The following RARB variants were observed in gnomAD, a reference collection of about 807,000 sequenced individuals.
RARB encodes HBV-activated protein.
Under a neutral mutation model 51.9 loss-of-function variants are expected in RARB, and 17 were observed. That is an observed-to-expected ratio of 0.33 (90% CI 0.22 to 0.49). RARB has a LOEUF of 0.49. Among genes scored for constraint, RARB ranks in the 20% least tolerant of loss-of-function variants. The probability of loss-of-function intolerance (pLI) is 0.99; values close to 1 mark genes in which losing one functional copy is unlikely to be tolerated. For synonymous variants in RARB, 215 were observed against 195.4 expected, an observed-to-expected ratio of 1.10 and a Z score of -0.84; for missense variants, 369 against 550.8, an observed-to-expected ratio of 0.67 and a Z score of 3.30.
chr3:25,550,796 G>A (rs905506085), intron 3 of RARB, among the ~76,000 whole-genome samples: 2 of 152,030 alleles, frequency 1.3e-5, no homozygotes, highest in East Asian at 1.9e-4. Context: ...GTGTCCATGT[G>A]TTCTCATTGT....
At chr3:25,015,289 T>C (rs1275398011) in intron 2 of RARB, among the ~76,000 whole-genome samples, 1 of 152,210 alleles carries the variant, frequency 6.6e-6, no homozygotes, top group African/African-American at 2.4e-5. Flanking sequence ...ACTAAACACA[T>C]GAATTTAACA....
chr3:25,283,008 C>A (rs562497191), intron 5 of RARB, among the ~76,000 whole-genome samples: 2 of 152,252 alleles, frequency 1.3e-5, no homozygotes, highest in East Asian at 3.9e-4. Context: ...CACGGAGGAG[C>A]GACACTGTCT....
intron 2 of RARB, among the ~76,000 whole-genome samples, chr3:25,494,233 C>T (rs960411770): frequency 1.8e-4 from 10 of 55,482 alleles, no homozygotes; most frequent in Non-Finnish European, 2.8e-4. Flanking sequence ...CATTAGCCCC[C>T]TTTTCCAGCT....
chr3:25,494,098 G>A (rs546061969), intron 2 of RARB, among the ~76,000 whole-genome samples: 1 of 152,264 alleles, frequency 6.6e-6, no homozygotes, highest in South Asian at 2.1e-4. Context: ...CGAAGTCAAT[G>A]AATCACAGCT....
intron 5 of RARB, among the ~76,000 whole-genome samples, chr3:25,213,403 C>G (rs1003590584): frequency 1.3e-5 from 2 of 151,916 alleles, no homozygotes; most frequent in Middle Eastern, 3.2e-3. Context: ...ATGGTCGGTT[C>G]TTTTTCACTT....
intron 5 of RARB, among the ~76,000 whole-genome samples, chr3:25,420,603 A>G (rs762132951): frequency 3.9e-5 from 6 of 152,214 alleles, no homozygotes; most frequent in Non-Finnish European, 7.3e-5. Flanking sequence ...GCATGATCTG[A>G]GAAGTTTTAC....
At chr3:25,142,211 G>A (rs1352633681) in intron 4 of RARB, among the ~76,000 whole-genome samples, 1 of 152,172 alleles carries the variant, frequency 6.6e-6, no homozygotes, top group African/African-American at 2.4e-5. Flanking sequence ...GCGGGCACCT[G>A]TAGTCCCAGC....
chr3:24,990,880 C>T (rs937198873), intron 2 of RARB, among the ~76,000 whole-genome samples: 1 of 152,192 alleles, frequency 6.6e-6, no homozygotes, highest in African/African-American at 2.4e-5. Context: ...AAATTGACAT[C>T]ATTAAATAGT....
At chr3:25,467,844 G>A (rs779631987) in intron 2 of RARB, among the ~76,000 whole-genome samples, 8 of 152,292 alleles carry the variant, frequency 5.3e-5, no homozygotes, top group South Asian at 2.1e-4. Flanking sequence ...GCCCTATGCC[G>A]GGTGCTAGAG....
At chr3:25,496,074 C>T (rs969465761) in intron 2 of RARB, among the ~76,000 whole-genome samples, 1 of 152,180 alleles carries the variant, frequency 6.6e-6, no homozygotes. Flanking sequence ...TGATATCACC[C>T]TCAAGGAATA....
chr3:25,447,666 C>T (rs1034406390), intron 1 of RARB, among the ~76,000 whole-genome samples: 7 of 152,148 alleles, frequency 4.6e-5, no homozygotes, highest in Non-Finnish European at 7.4e-5. Context: ...GAAGCCATTT[C>T]TGAGGGGGCT....
Position 25,212,261 on chromosome 3 carries a change from C to G in RARB, c.178+37686C>G, listed in dbSNP as rs140994718. On this transcript the variant is annotated intron_variant, in intron 5 of 11. Transcript: ENST00000383772. ...TCAATGCATAAATAAATAATATAGACTATGCTAAATTGAGCATCAATAATT... is the reference window on the plus strand; with the variant it reads ...TCAATGCATAAATAAATAATATAGAGTATGCTAAATTGAGCATCAATAATT... Among the ~76,000 whole-genome samples, 341 of 152,280 alleles carry G rather than the reference C, an allele frequency of 2.2e-3. 3 individuals carry two copies. The highest frequency in any genetic ancestry group is 7.8e-3 in the African/African-American group (323 of 41,546).
At chr3:24,969,366 C>T (rs185491334) in intron 2 of RARB, among the ~76,000 whole-genome samples, 3 of 152,050 alleles carry the variant, frequency 2.0e-5, no homozygotes, top group Admixed American at 6.6e-5. Flanking sequence ...GCCAAAGTGC[C>T]TCATGCCACT....
At chr3:25,399,888 G>A (rs1279353717) in intron 5 of RARB, among the ~76,000 whole-genome samples, 1 of 152,154 alleles carries the variant, frequency 6.6e-6, no homozygotes, top group African/African-American at 2.4e-5. Flanking sequence ...TAGGGTCTCT[G>A]CTGATGTTTC....
At chr3:25,174,219 G>A in exon 5 of RARB, 1 of 370,254 alleles carries the variant, frequency 2.7e-6, no homozygotes, top group Non-Finnish European at 4.9e-6. Flanking sequence ...GTAGCAAAAT[G>A]ACAGGCAGAG....
intron 2 of RARB, among the ~76,000 whole-genome samples, chr3:24,862,070 A>G (rs144978864): frequency 6.6e-6 from 1 of 152,330 alleles, no homozygotes; most frequent in African/African-American, 2.4e-5. Flanking sequence ...GTAAGCTAAC[A>G]TTTCCAATGG....
At chr3:25,595,149 A>G (rs1263622463) in intron 7 of RARB, among the ~76,000 whole-genome samples, 1 of 152,226 alleles carries the variant, frequency 6.6e-6, no homozygotes, top group African/African-American at 2.4e-5. Context: ...CCTAAGAGGT[A>G]TATTCTTTGC....
intron 5 of RARB, among the ~76,000 whole-genome samples, chr3:25,354,511 A>T (rs1466882641): frequency 2.0e-5 from 3 of 152,134 alleles, no homozygotes; most frequent in Non-Finnish European, 4.4e-5. Flanking sequence ...TAAAGGAGAA[A>T]AAGAACTATC....
At chr3:25,553,715 G>A (rs757036384) in intron 3 of RARB, among the ~76,000 whole-genome samples, 2 of 152,076 alleles carry the variant, frequency 1.3e-5, no homozygotes, top group African/African-American at 2.4e-5. Context: ...CTGGGTCTTC[G>A]CTGCAACCTG....
Sources: allele counts gnomAD v4.1 joint callset (sites outside exome capture counted in the v4.1 genomes callset), GRCh38; gene constraint gnomAD v4.1.1; transcripts MANE v1.5; gene names NCBI Gene and HGNC (gene_info 2026-07-23, HGNC 2026-07-21).